The following CAB39L variants were observed in gnomAD, a reference collection of about 807,000 sequenced individuals.
CAB39L encodes the protein calcium-binding protein 39-like.
A neutral mutation model predicts 39.1 loss-of-function variants in CAB39L; 23 were observed. The observed-to-expected ratio is 0.59, with a 90% CI of 0.42 to 0.83. CAB39L has a LOEUF of 0.83. Ranked by LOEUF, CAB39L falls within the 40% of genes least tolerant of loss-of-function variation. The probability of loss-of-function intolerance (pLI) is 0.00; values close to 1 mark genes in which losing one functional copy is unlikely to be tolerated. For missense variants in CAB39L, 366 were observed against 391.9 expected, an observed-to-expected ratio of 0.93 and a Z score of 0.56; for synonymous variants, 126 against 137.2, an observed-to-expected ratio of 0.92 and a Z score of 0.57.
At position 49,400,607 on chromosome 13, in the gene CAB39L, A is replaced by C. The variant is rs17072862; in HGVS notation, c.-31-17666T>G. ...TGCATTCATTCATTTTACATAAAGT[A>C]GGAAAAATCAGGTGTCACTTATTGG... On this transcript the variant is annotated intron_variant, in intron 3 of 10. Transcript: ENST00000409308. Among the ~76,000 whole-genome samples, 1,824 of 152,268 alleles carry C rather than the reference A, an allele frequency of 0.012. 62 individuals are homozygous for C. The East Asian group carries it at 0.12, about 10-fold the overall frequency.
intron 10 of CAB39L, among the ~76,000 whole-genome samples, chr13:49,329,151 T>C (rs1954592852): frequency 6.6e-6 from 1 of 152,192 alleles, no homozygotes; most frequent in South Asian, 2.1e-4. Flanking sequence ...TGTTTTGCTG[T>C]TCTATTTATC....
At position 49,310,870 on chromosome 13, in the gene CAB39L, C is replaced by T. The variant is rs1464019005; in HGVS notation, c.958G>A (p.Asp320Asn). The T allele has an allele frequency of 6.2e-7, 1 of 1,614,198 alleles. No homozygotes were observed. The highest frequency in any genetic ancestry group is 1.1e-5 in the South Asian group (1 of 91,082). ...KERTDDEQFA[D>N]EKNYLIKQIR... ...TGTTTAATCAAGTAGTTCTTCTCGT[C>T]AGCGAACTGCTCATCATCCGTCCTT... The change falls in exon 11 of 11, where the codon GAC becomes AAC. Residue 320 changes from aspartate (D) to asparagine (N), a missense_variant. Transcript: ENST00000409308.
intron 3 of CAB39L, among the ~76,000 whole-genome samples, chr13:49,431,692 G>A (rs1419540651): frequency 6.6e-6 from 1 of 151,794 alleles, no homozygotes; most frequent in African/African-American, 2.4e-5. Flanking sequence ...GGACAACAGA[G>A]TGAGACTCTG....
intron 5 of CAB39L, among the ~76,000 whole-genome samples, chr13:49,361,477 CAAAAAAAAAAA>C (rs33984866): frequency 3.7e-5 from 2 of 54,454 alleles, no homozygotes; most frequent in South Asian, 1.1e-3. Context: ...GACTTCATCT[CAAAAAAAAAAA>C]AAAAAAAAAA....
chr13:49,394,682 T>C (rs916762703), intron 3 of CAB39L, among the ~76,000 whole-genome samples: 14 of 152,178 alleles, frequency 9.2e-5, no homozygotes, highest in Admixed American at 6.5e-4. Context: ...CATTAGCATA[T>C]GTCACAGATT....
intron 3 of CAB39L, among the ~76,000 whole-genome samples, chr13:49,415,891 G>C (rs953806814): frequency 6.6e-6 from 1 of 152,112 alleles, no homozygotes; most frequent in Non-Finnish European, 1.5e-5. Flanking sequence ...TATGCCTTTT[G>C]TCTCTAATCA....
intron 5 of CAB39L, among the ~76,000 whole-genome samples, chr13:49,370,926 T>A (rs901118402): frequency 7.2e-5 from 11 of 152,174 alleles, no homozygotes; most frequent in East Asian, 5.8e-4. Flanking sequence ...CCATTTTCTA[T>A]GACATAGTAT....
chr13:49,422,433 G>A (rs1023325295), intron 3 of CAB39L, among the ~76,000 whole-genome samples: 2 of 152,252 alleles, frequency 1.3e-5, no homozygotes, highest in Admixed American at 1.3e-4. Flanking sequence ...AGTTAGTTGG[G>A]CATAATGGCA....
At chr13:49,357,115 T>C (rs1005224992) in intron 6 of CAB39L, among the ~76,000 whole-genome samples, 42 of 152,000 alleles carry the variant, frequency 2.8e-4, no homozygotes, top group African/African-American at 9.9e-4. Context: ...CACTACCCTG[T>C]CCTCAGGAGC....
At chr13:49,361,127 T>C (rs1380511547) in intron 5 of CAB39L, among the ~76,000 whole-genome samples, 2 of 152,106 alleles carry the variant, frequency 1.3e-5, no homozygotes, top group Admixed American at 1.3e-4. Context: ...AATGCAAATA[T>C]GACCATGCCA....
chr13:49,336,059 C>T lies in CAB39L; in HGVS notation c.690+3618G>A, dbSNP rs555360932. On this transcript the variant is annotated intron_variant, in intron 9 of 10. Coordinates refer to ENST00000409308, the MANE Select transcript of CAB39L (RefSeq NM_001079670.3). Reference sequence around the variant, plus strand: ...TGTGTCAAAATAGAATATACTGCTACCACAGATCTAATTACCAAAAGGAAA... The same window carrying T: ...TGTGTCAAAATAGAATATACTGCTATCACAGATCTAATTACCAAAAGGAAA... Among the ~76,000 whole-genome samples the T allele has an allele frequency of 2.6e-5, 4 of 151,540 alleles. No individual in the cohort carries two copies. In the South Asian group the frequency reaches 8.3e-4, roughly 32 times the overall value.
chr13:49,393,696 C>CT (rs1490586170), intron 3 of CAB39L, among the ~76,000 whole-genome samples: 1 of 151,762 alleles, frequency 6.6e-6, no homozygotes, highest in Non-Finnish European at 1.5e-5. Context: ...TTAAAAAAAA[C>CT]ACTCTATTTT....
chr13:49,347,774 C>T (rs1289561584), intron 7 of CAB39L, among the ~76,000 whole-genome samples: 1 of 152,044 alleles, frequency 6.6e-6, no homozygotes, highest in Non-Finnish European at 1.5e-5. Flanking sequence ...CTGGGATTTC[C>T]AACACTCGGA....
chr13:49,378,588 G>A (rs1375379716), intron 4 of CAB39L, among the ~76,000 whole-genome samples: 1 of 76,122 alleles, frequency 1.3e-5, no homozygotes, highest in Non-Finnish European at 2.7e-5. Context: ...GAGGGAGGTG[G>A]GGGGGTCAGC....
chr13:49,338,528 C>A (rs1954912233), intron 9 of CAB39L, among the ~76,000 whole-genome samples: 1 of 150,440 alleles, frequency 6.6e-6, no homozygotes, highest in Admixed American at 6.6e-5. Flanking sequence ...GTAGGGATAG[C>A]ATTGGGAGAT....
rs1395895588 is a variant in CAB39L, at chr13:49,339,615, C to G, written c.690+62G>C. ...TGTGTTTACTCATATACTAATAGAC[C>G]CGTCATTTGCTAATGAGATATAAAC... On this transcript the variant is annotated intron_variant, in intron 9 of 10. Coordinates refer to ENST00000409308, the MANE Select transcript of CAB39L (RefSeq NM_001079670.3). 5 of 1,417,696 alleles carry G rather than the reference C, an allele frequency of 3.5e-6. No homozygotes were observed. In the South Asian group the frequency reaches 9.0e-5, roughly 26 times the overall value. The allele number at this position is 1,417,696 out of a possible 1,614,324, so 87.8% of individuals were successfully genotyped here.
At position 49,408,347 on chromosome 13, in the gene CAB39L, C is replaced by A. The variant is rs539128710; in HGVS notation, c.-32+24971G>T. Among the ~76,000 whole-genome samples the A allele has an allele frequency of 2.0e-5, 3 of 152,290 alleles. No homozygotes were observed. In the South Asian group the frequency reaches 6.2e-4, roughly 32 times the overall value. The stretch of plus-strand genomic sequence containing the variant: ...AAATAGCCAGTTAGTTGATATATAA[C>A]AAGTCCGAGATGCCAGCAAGGCTTC... On this transcript the variant is annotated intron_variant, in intron 3 of 10. Coordinates refer to ENST00000409308, the MANE Select transcript of CAB39L (RefSeq NM_001079670.3).
intron 3 of CAB39L, among the ~76,000 whole-genome samples, chr13:49,424,446 C>G (rs563762976): frequency 6.6e-6 from 1 of 152,306 alleles, no homozygotes; most frequent in South Asian, 2.1e-4. Context: ...AAAACTGTCA[C>G]AGCCAAAAGG....
At chr13:49,343,659 AAGAGAG>A (rs1233196218) in intron 8 of CAB39L, among the ~76,000 whole-genome samples, 1 of 151,814 alleles carries the variant, frequency 6.6e-6, no homozygotes, top group Non-Finnish European at 1.5e-5. Context: ...CAGAGACAGA[AAGAGAG>A]AGAGAAAGAG....
Sources: allele counts gnomAD v4.1 joint callset (sites outside exome capture counted in the v4.1 genomes callset), GRCh38; gene constraint gnomAD v4.1.1; transcripts MANE v1.5; gene names NCBI Gene and HGNC (gene_info 2026-07-23, HGNC 2026-07-21).